The following LRRC7 variants were observed in gnomAD, a reference collection of about 807,000 sequenced individuals.
The protein encoded by LRRC7 is leucine-rich repeat-containing protein 7.
In LRRC7, 23 loss-of-function variants were observed where a neutral mutation model predicts 175.7. The ratio of observed to expected loss-of-function variants is 0.13; its 90% CI spans 0.09 to 0.19. The LOEUF is 0.19. Among genes scored for constraint, LRRC7 ranks in the 10% least tolerant of loss-of-function variants. The pLI, the probability that LRRC7 is intolerant of heterozygous loss-of-function variation, is 1.00. For synonymous variants in LRRC7, 685 were observed against 680.9 expected, an observed-to-expected ratio of 1.01 and a Z score of -0.09; for missense variants, 1,354 against 1,904.7, an observed-to-expected ratio of 0.71 and a Z score of 5.38.
intron 1 of LRRC7, among the ~76,000 whole-genome samples, chr1:69,649,908 C>A (rs1490215455): frequency 2.0e-5 from 3 of 151,354 alleles, no homozygotes; most frequent in African/African-American, 7.3e-5. Flanking sequence ...CAATGACAGT[C>A]GCATAAGGAT....
intron 26 of LRRC7, among the ~76,000 whole-genome samples, chr1:70,118,361 T>C (rs749681191): frequency 1.1e-4 from 17 of 151,944 alleles, no homozygotes; most frequent in Non-Finnish European, 2.1e-4. Flanking sequence ...AAAATGGAGA[T>C]TCAGCATTTC....
At chr1:70,065,421 T>C (rs1321515086) in intron 23 of LRRC7, among the ~76,000 whole-genome samples, 1 of 151,966 alleles carries the variant, frequency 6.6e-6, no homozygotes, top group Non-Finnish European at 1.5e-5. Context: ...TGATGTAAAA[T>C]ACTTATCACA....
intron 7 of LRRC7, among the ~76,000 whole-genome samples, chr1:69,926,413 A>T (rs929425349): frequency 2.2e-5 from 3 of 134,000 alleles, no homozygotes; most frequent in African/African-American, 8.0e-5. Context: ...TGGGGTGTTA[A>T]AGTCTCCCAT....
At chr1:70,024,066 GATACTTATCCATTGTCTT>G (rs1462595435) in intron 17 of LRRC7, among the ~76,000 whole-genome samples, 1 of 152,032 alleles carries the variant, frequency 6.6e-6, no homozygotes, top group Non-Finnish European at 1.5e-5. Context: ...TAATGGACTA[GATACTTATCCATTGTCTT>G]ATATTTTTGC....
At chr1:69,906,352 A>G (rs1162908883) in intron 7 of LRRC7, among the ~76,000 whole-genome samples, 6 of 152,068 alleles carry the variant, frequency 3.9e-5, no homozygotes, top group African/African-American at 1.2e-4. Flanking sequence ...TGTCCTGAAT[A>G]GTATTGCCTA....
At chr1:69,656,967 GA>G (rs531682200) in intron 1 of LRRC7, among the ~76,000 whole-genome samples, 1 of 150,302 alleles carries the variant, frequency 6.7e-6, no homozygotes, top group East Asian at 1.9e-4. Flanking sequence ...AGAGAGAATA[GA>G]AAAAAAAGGA....
rs370661008 is a variant in LRRC7 at position 69,801,556 on chromosome 1, A to G, written c.421+9396A>G. ...CTTTTGTATTTCCGTGGCATCAGTT[A>G]TCATGTCTCCTTTTTTATTTCTGAT... is the stretch of plus-strand genomic sequence containing the variant. On this transcript the variant is annotated intron_variant, in intron 4 of 26. Transcript: ENST00000651989. Among the ~76,000 whole-genome samples, 9 of 151,472 alleles carry G rather than the reference A, an allele frequency of 5.9e-5. No individual in the cohort carries two copies. The East Asian group carries it at 1.7e-3, about 29-fold the overall frequency.
intron 11 of LRRC7, among the ~76,000 whole-genome samples, chr1:69,996,830 T>G (rs1404001087): frequency 6.6e-6 from 1 of 151,560 alleles, no homozygotes; most frequent in African/African-American, 2.4e-5. Flanking sequence ...AGTCAGGTAG[T>G]GTGATGCCTC....
At chr1:69,932,971 G>A (rs530850014) in intron 8 of LRRC7, among the ~76,000 whole-genome samples, 2 of 152,324 alleles carry the variant, frequency 1.3e-5, no homozygotes, top group East Asian at 3.9e-4. Flanking sequence ...TAGGAGCATT[G>A]GCCATCTTCC....
At chr1:69,717,798 G>T (rs1310985579) in intron 2 of LRRC7, among the ~76,000 whole-genome samples, 1 of 19,738 alleles carries the variant, frequency 5.1e-5, no homozygotes, top group African/African-American at 3.0e-4. Context: ...AAGAAAGAAA[G>T]AAAGAAAGAA....
At chr1:69,996,515 G>A (rs1221122247) in intron 11 of LRRC7, among the ~76,000 whole-genome samples, 1 of 150,866 alleles carries the variant, frequency 6.6e-6, no homozygotes, top group Non-Finnish European at 1.5e-5. Flanking sequence ...TTTCTTCTAG[G>A]GTTTTTATGG....
At chr1:70,084,587 G>T (rs1663463571) in intron 24 of LRRC7, among the ~76,000 whole-genome samples, 2 of 152,056 alleles carry the variant, frequency 1.3e-5, no homozygotes, top group Admixed American at 1.3e-4. Flanking sequence ...CTACTTTTTG[G>T]CTATTAAGAA....
intron 3 of LRRC7, among the ~76,000 whole-genome samples, chr1:69,770,574 C>T (rs1672124860): frequency 1.3e-5 from 2 of 152,094 alleles, no homozygotes; most frequent in Non-Finnish European, 2.9e-5. Context: ...CTACTTGTAT[C>T]ACTATAATTG....
rs146459276 is a variant in LRRC7, at chr1:69,746,316, T to C, written c.101-13875T>C. The stretch of plus-strand genomic sequence containing the variant: ...TACTTGATCCTTTGGGTCAAGTTTT[T>C]AGGCTCCAGTAGTTTATTATAATCA... On this transcript the variant is annotated intron_variant, in intron 2 of 26. Coordinates refer to ENST00000651989, the MANE Select transcript of LRRC7 (RefSeq NM_001370785.2). 2.6e-5 allele frequency among the ~76,000 whole-genome samples: 4 copies of C among 152,158 alleles called. No homozygotes were observed. In the South Asian group the frequency reaches 6.2e-4, roughly 24 times the overall value.
At chr1:69,702,117 T>C (rs909196220) in intron 2 of LRRC7, among the ~76,000 whole-genome samples, 1 of 152,202 alleles carries the variant, frequency 6.6e-6, no homozygotes, top group Non-Finnish European at 1.5e-5. Flanking sequence ...TTTTTAATTT[T>C]AAAAGCAAAA....
intron 7 of LRRC7, among the ~76,000 whole-genome samples, chr1:69,890,959 G>A (rs1645815268): frequency 6.6e-6 from 1 of 152,226 alleles, no homozygotes; most frequent in African/African-American, 2.4e-5. Flanking sequence ...TTAAGAGAAT[G>A]TTGTGGCTGG....
intron 2 of LRRC7, among the ~76,000 whole-genome samples, chr1:69,751,503 G>A (rs111367741): frequency 0.011 from 1,630 of 152,204 alleles, 38 homozygotes; most frequent in African/African-American, 0.037. Flanking sequence ...AAAGAGGACT[G>A]CAAGTACAGA....
At chr1:69,927,613 T>A (rs1276919807) in intron 7 of LRRC7, among the ~76,000 whole-genome samples, 1 of 152,256 alleles carries the variant, frequency 6.6e-6, no homozygotes, top group Non-Finnish European at 1.5e-5. Context: ...CTCTTGAGGC[T>A]TCTGCATTCT....
At chr1:69,965,986 A>G (rs528786259) in intron 8 of LRRC7, among the ~76,000 whole-genome samples, 125 of 152,322 alleles carry the variant, frequency 8.2e-4, no homozygotes, top group Middle Eastern at 3.4e-3. Flanking sequence ...AATGGAAGAA[A>G]GTTTCTTAAA....
Sources: allele counts gnomAD v4.1 joint callset (sites outside exome capture counted in the v4.1 genomes callset), GRCh38; gene constraint gnomAD v4.1.1; transcripts MANE v1.5; gene names NCBI Gene and HGNC (gene_info 2026-07-23, HGNC 2026-07-21).